The following PM20D2 variants were observed in gnomAD, a reference collection of about 807,000 sequenced individuals.
PM20D2 encodes the protein xaa-Arg dipeptidase.
PM20D2 carries 33 observed loss-of-function variants against 42.9 expected under a neutral mutation model. The ratio of observed to expected loss-of-function variants is 0.77; its 90% CI spans 0.58 to 1.03. The LOEUF (loss-of-function observed/expected upper bound fraction) is 1.03. Among genes scored for constraint, PM20D2 ranks in the 50% least tolerant of loss-of-function variants. The probability of loss-of-function intolerance (pLI) is 0.00; values close to 1 mark genes in which losing one functional copy is unlikely to be tolerated. For missense variants in PM20D2, 548 were observed against 557.0 expected (o/e 0.98, Z 0.16); for synonymous variants, 250 against 228.2 (o/e 1.10, Z -0.86).
At chr6:89,146,649 C>G in intron 1 of PM20D2, 40 bp downstream of exon 1, 1 of 1,362,136 alleles carries the variant, frequency 7.3e-7, no homozygotes. Flanking sequence ...TCCGACTGCC[C>G]GGGTCGGGGG....
chr6:89,098,729 G>A, the PM20D2 span: 2 of 1,613,928 alleles, frequency 1.2e-6, no homozygotes, highest in Non-Finnish European at 8.5e-7. Context: ...TCTTCCATGT[G>A]ATCTTGATTT....
chr6:89,142,029 C>G (rs930134649), upstream of PM20D2, among the ~76,000 whole-genome samples: 1 of 112,176 alleles, frequency 8.9e-6, no homozygotes, highest in Admixed American at 9.6e-5. Flanking sequence ...CCTATATTGT[C>G]CTGGCTGGTT....
the PM20D2 span, chr6:89,117,706 C>G: frequency 6.6e-6 from 7 of 1,061,922 alleles, no homozygotes; most frequent in African/African-American, 3.4e-5. Flanking sequence ...AGCCTGGGCC[C>G]GCGGGGAGGC....
intron 1 of PM20D2, chr6:89,148,487 A>G: frequency 2.2e-6 from 2 of 928,798 alleles, no homozygotes; most frequent in Non-Finnish European, 2.6e-6. Context: ...TATCAAAGTA[A>G]AATGTTTATT....
the PM20D2 span, chr6:89,097,990 T>C: frequency 1.3e-5 from 2 of 152,288 alleles, no homozygotes; most frequent in Non-Finnish European, 2.9e-5. Flanking sequence ...TATACTGTTC[T>C]ACCCAATAAA....
the PM20D2 span, among the ~76,000 whole-genome samples, chr6:89,123,907 T>A: frequency 6.6e-6 from 1 of 151,712 alleles, no homozygotes; most frequent in East Asian, 1.9e-4. Context: ...CATGGTGGAG[T>A]GTGCCTGTAG....
chr6:89,099,424 A>ATG, the PM20D2 span, among the ~76,000 whole-genome samples: 1 of 139,168 alleles, frequency 7.2e-6, no homozygotes, highest in South Asian at 2.3e-4. Flanking sequence ...ACATATATAT[A>ATG]TGTGTGTATA....
chr6:89,140,603 C>T, the PM20D2 span, among the ~76,000 whole-genome samples: 8 of 152,268 alleles, frequency 5.3e-5, no homozygotes, highest in South Asian at 2.1e-4. Flanking sequence ...TAAGCCATAA[C>T]GGTAGGAGAG....
intron 2 of PM20D2, among the ~76,000 whole-genome samples, 195 bp from the exon 3 acceptor site, chr6:89,152,848 A>G (rs1770899237): frequency 6.6e-6 from 1 of 151,862 alleles, no homozygotes; most frequent in African/African-American, 2.4e-5. Context: ...TCTTTGTGTC[A>G]AGCACTATGT....
At chr6:89,095,547 T>C in the PM20D2 span, among the ~76,000 whole-genome samples, 1 of 152,246 alleles carries the variant, frequency 6.6e-6, no homozygotes, top group Non-Finnish European at 1.5e-5. Context: ...TTTTGACTAA[T>C]TTTGCCTCTG....
At chr6:89,137,643 GT>G in the PM20D2 span, among the ~76,000 whole-genome samples, 1 of 152,138 alleles carries the variant, frequency 6.6e-6, no homozygotes, top group South Asian at 2.1e-4. Context: ...CCTTCACTGT[GT>G]AATGCCTGGG....
the PM20D2 span, among the ~76,000 whole-genome samples, chr6:89,126,956 A>G: frequency 6.6e-6 from 1 of 152,208 alleles, no homozygotes; most frequent in Non-Finnish European, 1.5e-5. Context: ...TAGAGATAAG[A>G]CAATTTGAGT....
chr6:89,102,932 T>C, the PM20D2 span, among the ~76,000 whole-genome samples: 1 of 152,192 alleles, frequency 6.6e-6, no homozygotes, highest in South Asian at 2.1e-4. Flanking sequence ...GTGGCTAATT[T>C]TTTTTAGTTT....
the PM20D2 span, among the ~76,000 whole-genome samples, chr6:89,123,254 C>T: frequency 4.8e-4 from 73 of 152,240 alleles, no homozygotes; most frequent in Admixed American, 3.4e-3. Context: ...AGTTATGCTC[C>T]TTAATTCTCA....
upstream of PM20D2, among the ~76,000 whole-genome samples, chr6:89,142,216 G>T (rs114573402): frequency 4.5e-3 from 681 of 152,200 alleles, 5 homozygotes; most frequent in African/African-American, 0.016. Flanking sequence ...TCTCTTAGTT[G>T]TCTGCTTTCT....
At chr6:89,103,740 G>A in the PM20D2 span, among the ~76,000 whole-genome samples, 5 of 152,028 alleles carry the variant, frequency 3.3e-5, no homozygotes, top group Admixed American at 1.3e-4. Context: ...GATTACAGGC[G>A]TGAGCCACTG....
the PM20D2 span, among the ~76,000 whole-genome samples, chr6:89,121,226 A>G: frequency 2.0e-5 from 3 of 152,166 alleles, no homozygotes; most frequent in Non-Finnish European, 4.4e-5. Context: ...ATTGATATAA[A>G]ATAAGTTGTG....
Position 89,165,291 on chromosome 6 carries a change from A to G in PM20D2, c.*3028A>G, listed in dbSNP as rs955072069. 6.6e-6 allele frequency: 1 copy of G among 152,144 alleles called. No individual in the cohort carries two copies. Among genetic ancestry groups the G allele is most frequent in the African/African-American group, 2.4e-5 (1 of 41,418 alleles). 9.4% of individuals were successfully genotyped at this position (152,144 alleles called of 1,614,324 possible). A position where few individuals can be genotyped will look rare whatever the true frequency, so the allele number is the denominator to read the frequency against. ...CTACACAATACTAACCTTTAAAACTATCAAATTTTTGTTATAAGATAAATG... is the reference window on the plus strand; with the variant it reads ...CTACACAATACTAACCTTTAAAACTGTCAAATTTTTGTTATAAGATAAATG... On this transcript the variant is annotated 3_prime_UTR_variant, in exon 7 of 7. Transcript: ENST00000275072.
chr6:89,117,022 C>T, the PM20D2 span, among the ~76,000 whole-genome samples: 2 of 152,024 alleles, frequency 1.3e-5, no homozygotes, highest in African/African-American at 4.8e-5. Flanking sequence ...TGTCTATTAA[C>T]ACCGTTCCCT....
Sources: gnomAD v4.1 joint callset for allele counts (sites outside exome capture counted in the v4.1 genomes callset) on GRCh38, gnomAD v4.1.1 for gene constraint, MANE v1.5 for transcripts, NCBI Gene and HGNC (gene_info 2026-07-23, HGNC 2026-07-21) for gene names.